SF3B1: variants seen among roughly 807,000 people sequenced by gnomAD.
SF3B1 encodes the protein splicing factor 3b subunit 1.
In SF3B1, 12 loss-of-function variants were observed where a neutral mutation model predicts 153.8. That is an observed-to-expected ratio of 0.08 (90% confidence interval 0.05 to 0.13). SF3B1 has a LOEUF of 0.13. SF3B1 is among the 10% of genes least tolerant of loss of function. The pLI is 1.00. For missense variants in SF3B1, 513 were observed against 1,606.1 expected, an observed-to-expected ratio of 0.32 and a Z score of 11.63; for synonymous variants, 498 against 525.2, an observed-to-expected ratio of 0.95 and a Z score of 0.71.
chr2:197,392,482 C>A (rs1189238250), intron 24 of SF3B1, 21 bp from the exon 25 acceptor site: 3 of 1,165,318 alleles, frequency 2.6e-6, no homozygotes, highest in Non-Finnish European at 3.7e-6. Flanking sequence ...TGAACGGTTA[C>A]ATTATTTCAA....
chr2:197,399,165 G>A, intron 20 of SF3B1: 2 of 1,063,748 alleles, frequency 1.9e-6, no homozygotes, highest in Non-Finnish European at 2.4e-6. Context: ...AAAACTCCCT[G>A]CAAACCAGAG....
At chr2:197,410,927 A>T (rs1179271149) in intron 6 of SF3B1, among the ~76,000 whole-genome samples, 1 of 152,230 alleles carries the variant, frequency 6.6e-6, no homozygotes, top group Non-Finnish European at 1.5e-5. Flanking sequence ...TAATGAAAAA[A>T]GATGAGAGGT....
In SF3B1 at chr2:197,391,243, T is replaced by G. The variant is rs2084806737; in HGVS notation, c.*1060A>C. 2 of 152,232 alleles carry G rather than the reference T, an allele frequency of 1.3e-5. No individual in the cohort carries two copies. The highest frequency in any genetic ancestry group is 2.4e-5 in the African/African-American group (1 of 41,472). The allele number at this position is 152,232 out of a possible 1,614,324, so 9.4% of individuals were successfully genotyped here. On this transcript the variant is annotated 3_prime_UTR_variant, in exon 25 of 25. Transcript: ENST00000335508. Reference sequence around the variant, plus strand: ...TATGCTGAACTCTTAGATCAACTTATTATTACTGAATACAAAGCTAAGCAA... The same window carrying G: ...TATGCTGAACTCTTAGATCAACTTAGTATTACTGAATACAAAGCTAAGCAA...
At chr2:197,393,224 G>A (rs1161803545) in intron 23 of SF3B1, 36 bp from the exon 24 acceptor site, 3 of 1,392,744 alleles carry the variant, frequency 2.2e-6, no homozygotes, top group Non-Finnish European at 3.1e-6. Context: ...TTAAGATGCG[G>A]TCTTATAAGA....
intron 1 of SF3B1, among the ~76,000 whole-genome samples, chr2:197,432,009 T>C (rs1461753267): frequency 1.3e-5 from 2 of 152,034 alleles, no homozygotes; most frequent in East Asian, 1.9e-4. Context: ...CCTGTAGTTG[T>C]AGCTACTCAG....
rs1041284689 is a variant in SF3B1 at position 197,394,442 on chromosome 2, G to C, written c.3540-1254C>G. On this transcript the variant is annotated intron_variant, in intron 23 of 24. Transcript: ENST00000335508. The stretch of plus-strand genomic sequence containing the variant: ...TAAGTTTCATTCAATAACTCAATTT[G>C]GGGAGAGGAACAAAAGATCAATAAT... 2.0e-5 allele frequency among the ~76,000 whole-genome samples: 3 copies of C among 152,108 alleles called. No individual in the cohort carries two copies. The East Asian group carries it at 5.8e-4, about 29-fold the overall frequency.
chr2:197,425,442 G>A (rs915605877), intron 1 of SF3B1, among the ~76,000 whole-genome samples: 1 of 152,102 alleles, frequency 6.6e-6, no homozygotes, highest in African/African-American at 2.4e-5. Context: ...CTCCAGCCTG[G>A]GCGACAAGAG....
At chr2:197,413,500 C>T (rs2085102033) in intron 6 of SF3B1, among the ~76,000 whole-genome samples, 1 of 152,110 alleles carries the variant, frequency 6.6e-6, no homozygotes, top group African/African-American at 2.4e-5. Flanking sequence ...ATGAGAAGTC[C>T]TCACCTTAAA....
chr2:197,426,214 T>C (rs1327870822), intron 1 of SF3B1, among the ~76,000 whole-genome samples: 1 of 152,010 alleles, frequency 6.6e-6, no homozygotes, highest in Non-Finnish European at 1.5e-5. Flanking sequence ...CTATGATCTC[T>C]ACTTTTGTTT....
chr2:197,424,086 T>C lies in SF3B1; in HGVS notation c.29-112A>G, dbSNP rs1177130820. On this transcript the variant is annotated intron_variant, in intron 1 of 24. Transcript: ENST00000335508. ...AATACTCTCTTAAATACAGAAAATG[T>C]ACAATAATTGCACCATATAAGAGAC... 3 of 902,160 alleles carry C rather than the reference T, an allele frequency of 3.3e-6. No homozygotes were observed. The Admixed American group carries it at 8.5e-5, about 26-fold the overall frequency. 55.9% of individuals were successfully genotyped at this position (902,160 alleles called of 1,614,324 possible).
chr2:197,421,517 T>C (rs941037461), intron 2 of SF3B1, among the ~76,000 whole-genome samples: 2 of 152,234 alleles, frequency 1.3e-5, no homozygotes, highest in African/African-American at 4.8e-5. Flanking sequence ...TTTAACACAA[T>C]TTAACAACCA....
At chr2:197,434,735 T>C (rs1489535445) in intron 1 of SF3B1, among the ~76,000 whole-genome samples, 2 of 152,204 alleles carry the variant, frequency 1.3e-5, no homozygotes, top group African/African-American at 4.8e-5. Flanking sequence ...GAAGAGAAGC[T>C]ACTCTGAAGT....
At position 197,403,024 on chromosome 2, in the gene SF3B1, G is replaced by T; in HGVS notation, c.1731C>A (p.Val577=). The T allele has an allele frequency of 2.5e-6, 4 of 1,595,142 alleles. No homozygotes were observed. The East Asian group carries it at 6.7e-5, about 27-fold the overall frequency. Residue 577 remains valine (V), a synonymous_variant, in exon 13 of 25, where the codon GTC becomes GTA. Coordinates refer to ENST00000335508, the MANE Select transcript of SF3B1 (RefSeq NM_012433.4). ...CTTCATCAATCAATAGCGGTTCAAT[G>T]ACCACGAGGATCTGAAAAAGAGAAA... is the stretch of plus-strand genomic sequence containing the variant. ...VRPYVHKILV[V]IEPLLIDEDY... is the part of the protein sequence containing the mutation.
At chr2:197,407,850 TG>T in intron 9 of SF3B1, 147 bp downstream of exon 9, 1 of 646,276 alleles carries the variant, frequency 1.5e-6, no homozygotes. Context: ...CATCTCTATA[TG>T]GAACTGAAAT....
rs2105974774 is a variant in SF3B1 at position 197,393,108 on chromosome 2, G to A, written c.3620C>T (p.Ser1207Leu). The change falls in exon 24 of 25, where the codon TCG (serine) becomes TTG (leucine). Residue 1207 changes from serine to leucine, a missense_variant. By Grantham distance (145) the Ser-to-Leu change is moderately radical (BLOSUM62 -2). Transcript: ENST00000335508. ...LGVYGFGCED[S>L]LNHLLNYVWP... ...TACATAGTTCAACAAGTGATTCAGC[G>A]AATCTTCACAACCAAATCCATAAAC... 3.1e-6 allele frequency: 5 copies of A among 1,613,712 alleles called. No homozygotes were observed. The highest frequency in any genetic ancestry group is 4.2e-6 in the Non-Finnish European group (5 of 1,179,656).
In SF3B1 at chr2:197,420,543, C is replaced by T. The variant is rs1285279324; in HGVS notation, c.301-1G>A. The stretch of plus-strand genomic sequence containing the variant: ...GTCTGTGCTCAGCAAATGGATCATA[C>T]TGAAAAGAGGTATGTCTCACTTAAT... On this transcript the variant is annotated splice_acceptor_variant, in intron 3 of 24. Transcript: ENST00000335508. LOFTEE classifies it high-confidence loss of function. 1 of 1,583,566 alleles carries T rather than the reference C, an allele frequency of 6.3e-7. No individual in the cohort carries two copies. Among genetic ancestry groups the T allele is most frequent in the Non-Finnish European group, 8.6e-7 (1 of 1,159,926 alleles).
chr2:197,409,740 A>C (rs752077018), intron 7 of SF3B1, 30 bp downstream of exon 7: 1 of 1,511,000 alleles, frequency 6.6e-7, no homozygotes, highest in East Asian at 2.3e-5. Flanking sequence ...TCAACATTTC[A>C]CCCACACACC....
chr2:197,424,213 G>A (rs899304350), intron 1 of SF3B1, among the ~76,000 whole-genome samples: 44 of 152,188 alleles, frequency 2.9e-4, no homozygotes, highest in African/African-American at 1.1e-3. Context: ...GATGAGGTGG[G>A]CAGATCTGGG....
At position 197,396,345 on chromosome 2, in the gene SF3B1, G is replaced by A. The variant is rs772881560; in HGVS notation, c.3267-17C>T. Reference sequence around the variant, plus strand: ...TCATGAGGGCTGAAAAAAACAAATGGGTCAACAAGCTGTTACATTATAAGT... The same window carrying A: ...TCATGAGGGCTGAAAAAAACAAATGAGTCAACAAGCTGTTACATTATAAGT... On this transcript the variant is annotated splice_polypyrimidine_tract_variant and intron_variant, in intron 22 of 24. Coordinates refer to ENST00000335508, the MANE Select transcript of SF3B1 (RefSeq NM_012433.4). 4.7e-5 allele frequency: 75 copies of A among 1,592,936 alleles called. No homozygotes were observed. In the South Asian group the frequency reaches 5.8e-4, roughly 12 times the overall value.
Sources: allele counts gnomAD v4.1 joint callset (sites outside exome capture counted in the v4.1 genomes callset), GRCh38; gene constraint gnomAD v4.1.1; transcripts MANE v1.5; gene names NCBI Gene and HGNC (gene_info 2026-07-23, HGNC 2026-07-21).